FRMPD2: variants seen among roughly 807,000 people sequenced by gnomAD.
FRMPD2 encodes FERM and PDZ domain containing 2.
FRMPD2 carries 96 observed loss-of-function variants against 140.1 expected under a neutral mutation model. The ratio of observed to expected loss-of-function variants is 0.69; its 90% CI spans 0.58 to 0.81. The LOEUF is 0.81. Among genes scored for constraint, FRMPD2 ranks in the 40% least tolerant of loss-of-function variants. The pLI is 0.00. For synonymous variants in FRMPD2, 449 were observed against 547.6 expected, an observed-to-expected ratio of 0.82 and a Z score of 2.52; for missense variants, 1,240 against 1,447.4, an observed-to-expected ratio of 0.86 and a Z score of 2.32.
At chr10:48,218,272 T>C (rs1379644652) in intron 12 of FRMPD2, among the ~76,000 whole-genome samples, 2 of 152,194 alleles carry the variant, frequency 1.3e-5, no homozygotes, top group African/African-American at 4.8e-5. Context: ...GGGTTCTACA[T>C]ATGAATTTTG....
Position 48,249,154 on chromosome 10 carries a change from G to T in FRMPD2, c.176C>A (p.Pro59His), listed in dbSNP as rs142764597. Residue 59 changes from proline to histidine, a missense_variant, in exon 3 of 29, where the codon CCC (proline) becomes CAC (histidine). By Grantham distance (77) the Pro-to-His change is moderately conservative (BLOSUM62 -2). Transcript: ENST00000374201. Reference protein sequence around the residue: ...RNDSSDYVVCPWSALLSAAGS... With the variant: ...RNDSSDYVVCHWSALLSAAGS... ...AGCTGCAGAAAGCAGGGCTGACCAG[G>T]GGCAAACCACATAGTCCGAGGAATC... 2 of 1,614,080 alleles carry T rather than the reference G, an allele frequency of 1.2e-6. No individual in the cohort carries two copies. Among genetic ancestry groups the T allele is most frequent in the Admixed American group, 1.7e-5 (1 of 60,020 alleles).
At chr10:48,207,140 C>CA (rs374884745) in intron 13 of FRMPD2, among the ~76,000 whole-genome samples, 2 of 141,288 alleles carry the variant, frequency 1.4e-5, no homozygotes, top group Non-Finnish European at 3.1e-5. Context: ...TAGAATTTTC[C>CA]TTTTTTTTTT....
At position 48,265,910 on chromosome 10, in the gene FRMPD2, G is replaced by A. The variant is rs142989033; in HGVS notation, c.25+8633C>T. Among the ~76,000 whole-genome samples, 202 of 152,254 alleles carry A rather than the reference G, an allele frequency of 1.3e-3. 1 individual carries two copies. The highest frequency in any genetic ancestry group is 4.5e-3 in the African/African-American group (189 of 41,578). ...AAATCGTCGTATCATAAAGAAATAC[G>A]CATGTGTATATTCATTGCAGCAGTA... On this transcript the variant is annotated intron_variant, in intron 1 of 28. Coordinates refer to ENST00000374201, the MANE Select transcript of FRMPD2 (RefSeq NM_001018071.4).
At chr10:48,244,751 C>A (rs773808257) in intron 4 of FRMPD2, 33 bp downstream of exon 4, 4 of 1,558,066 alleles carry the variant, frequency 2.6e-6, no homozygotes, top group South Asian at 1.1e-5. Context: ...AGAGACACAG[C>A]CCGGCAAGAC....
chr10:48,212,165 T>G, intron 12 of FRMPD2, 56 bp from the exon 13 acceptor site: 1 of 1,549,830 alleles, frequency 6.5e-7, no homozygotes, highest in East Asian at 2.3e-5. Flanking sequence ...CGGGGGACTC[T>G]GAGAGGAATG....
At chr10:48,257,260 TA>T (rs1362098888) in intron 1 of FRMPD2, among the ~76,000 whole-genome samples, 2 of 151,886 alleles carry the variant, frequency 1.3e-5, no homozygotes, top group Non-Finnish European at 2.9e-5. Context: ...TTTATTTTTT[TA>T]TTTTTTTATT....
At chr10:48,256,228 G>A (rs1024954485) in intron 1 of FRMPD2, among the ~76,000 whole-genome samples, 2 of 144,532 alleles carry the variant, frequency 1.4e-5, no homozygotes, top group African/African-American at 5.0e-5. Flanking sequence ...CCCCCACCCA[G>A]GAAGAACCCT....
chr10:48,188,654 G>C (rs1334568950), intron 16 of FRMPD2, among the ~76,000 whole-genome samples: 1 of 152,236 alleles, frequency 6.6e-6, no homozygotes, highest in African/African-American at 2.4e-5. Flanking sequence ...GCGCTCGTGT[G>C]CTCAATGGAT....
chr10:48,200,024 G>T (rs187077709), intron 15 of FRMPD2, among the ~76,000 whole-genome samples: 149 of 152,182 alleles, frequency 9.8e-4, no homozygotes, highest in African/African-American at 3.5e-3. Flanking sequence ...AAAATAGCCA[G>T]ACCAAGAAGC....
chr10:48,198,757 G>T (rs1441419727), intron 15 of FRMPD2, among the ~76,000 whole-genome samples: 1 of 152,140 alleles, frequency 6.6e-6, no homozygotes, highest in Non-Finnish European at 1.5e-5. Context: ...ATTTCTTTCA[G>T]TAGTGTTTTG....
At chr10:48,202,260 C>T (rs1005823257) in intron 14 of FRMPD2, among the ~76,000 whole-genome samples, 2 of 152,278 alleles carry the variant, frequency 1.3e-5, no homozygotes, top group Admixed American at 6.5e-5. Flanking sequence ...CAGCTTGCTC[C>T]TATAAAGGTA....
chr10:48,250,545 T>C (rs1387033724), intron 2 of FRMPD2, among the ~76,000 whole-genome samples: 1 of 151,858 alleles, frequency 6.6e-6, no homozygotes. Flanking sequence ...GGATTATAAG[T>C]GCACGCCACC....
At chr10:48,240,246 A>T in intron 6 of FRMPD2, 114 bp downstream of exon 6, 1 of 1,185,768 alleles carries the variant, frequency 8.4e-7, no homozygotes, top group Non-Finnish European at 1.2e-6. Flanking sequence ...AAAGAGTGGC[A>T]CTTACATAGG....
At chr10:48,221,196 C>T (rs746179398) in intron 12 of FRMPD2, among the ~76,000 whole-genome samples, 1 of 152,164 alleles carries the variant, frequency 6.6e-6, no homozygotes, top group Non-Finnish European at 1.5e-5. Flanking sequence ...GCCCAAATAC[C>T]CATCAATCAA....
At chr10:48,238,990 C>T (rs1219546321) in intron 7 of FRMPD2, among the ~76,000 whole-genome samples, 2 of 152,158 alleles carry the variant, frequency 1.3e-5, no homozygotes, top group African/African-American at 2.4e-5. Flanking sequence ...CCTCTCTCTC[C>T]TCTTTCTCTC....
At chr10:48,251,520 C>T (rs751388493) in intron 2 of FRMPD2, 46 bp downstream of exon 2, 2 of 1,606,506 alleles carry the variant, frequency 1.2e-6, no homozygotes, top group East Asian at 2.2e-5. Flanking sequence ...TGGGAAGCTT[C>T]ACATACAACT....
Position 48,232,222 on chromosome 10 carries a change from AGGTGCTGCCCGTT to A in FRMPD2, c.1048_1060del (p.Asn350TrpfsTer3), listed in dbSNP as rs753364991. 2 of 1,614,156 alleles carry A rather than the reference AGGTGCTGCCCGTT, an allele frequency of 1.2e-6. No individual in the cohort carries two copies. Among genetic ancestry groups the A allele is most frequent in the South Asian group, 2.2e-5 (2 of 91,080 alleles). Reference sequence around the variant, plus strand: ...TGATTCAACATCACATTTTACCTCCAGGTGCTGCCCGTTCAGCAGGACCACACAGAGGTCCCTG... The same window carrying A: ...TGATTCAACATCACATTTTACCTCCACAGCAGGACCACACAGAGGTCCCTG... On this transcript the variant is annotated frameshift_variant, in exon 10 of 29. Coordinates refer to ENST00000374201, the MANE Select transcript of FRMPD2 (RefSeq NM_001018071.4). LOFTEE classifies it high-confidence loss of function.
intron 17 of FRMPD2, 47 bp from the exon 18 acceptor site, chr10:48,185,692 T>C (rs749328764): frequency 7.0e-7 from 1 of 1,427,718 alleles, no homozygotes; most frequent in Admixed American, 1.7e-5. Flanking sequence ...CCCCAAATTA[T>C]TTGGGAGCTA....
intron 2 of FRMPD2, 125 bp downstream of exon 2, chr10:48,251,441 G>T: frequency 8.5e-7 from 1 of 1,174,990 alleles, no homozygotes; most frequent in Non-Finnish European, 1.2e-6. Context: ...AGATCAAGCA[G>T]CAGCAACCTT....
Sources: allele counts gnomAD v4.1 joint callset (sites outside exome capture counted in the v4.1 genomes callset), GRCh38; gene constraint gnomAD v4.1.1; transcripts MANE v1.5; gene names NCBI Gene and HGNC (gene_info 2026-07-23, HGNC 2026-07-21).